The following NTRK3 variants were observed in gnomAD, a reference collection of about 807,000 sequenced individuals.
The protein encoded by NTRK3 is NT-3 growth factor receptor.
A neutral mutation model predicts 91.7 loss-of-function variants in NTRK3; 24 were observed. That is an observed-to-expected ratio of 0.26 (90% CI 0.19 to 0.37). NTRK3 has a LOEUF of 0.37. NTRK3 is among the 10% of genes least tolerant of loss of function. The pLI, the probability that NTRK3 is intolerant of heterozygous loss-of-function variation, is 1.00. For missense variants in NTRK3, 880 were observed against 1,068.9 expected, an observed-to-expected ratio of 0.82 and a Z score of 2.46; for synonymous variants, 483 against 404.0, an observed-to-expected ratio of 1.20 and a Z score of -2.34.
rs374956139 is a variant in NTRK3, at chr15:88,099,917, G to A, written c.1396+26354C>T. ...GAAAAGGCTTCAGGATTTGGGGAGG[G>A]GGACATGGAGTTGACAAGGATACTT... On this transcript the variant is annotated intron_variant, in intron 13 of 18. Coordinates refer to ENST00000394480, the Ensembl canonical transcript of NTRK3. Among the ~76,000 whole-genome samples the A allele has an allele frequency of 2.6e-5, 4 of 152,254 alleles. No individual in the cohort carries two copies. In the South Asian group the frequency reaches 8.3e-4, roughly 32 times the overall value.
intron 14 of NTRK3, chr15:87,979,191 C>A (rs868786075): frequency 2.8e-6 from 2 of 707,280 alleles, no homozygotes; most frequent in Middle Eastern, 3.0e-4. Flanking sequence ...AAACACCCAT[C>A]TGGTGGTGTT....
chr15:87,964,700 A>G (rs8037291), intron 14 of NTRK3, among the ~76,000 whole-genome samples: 34,906 of 152,004 alleles, frequency 0.23, 4,828 homozygotes, highest in African/African-American at 0.39. Flanking sequence ...GTCTCTCCGT[A>G]TTTGCCTCTT....
chr15:88,135,481 C>T, intron 9 of NTRK3, 84 bp from the exon 10 acceptor site: 2 of 1,440,130 alleles, frequency 1.4e-6, no homozygotes, highest in South Asian at 1.2e-5. Context: ...AAATGGGAAT[C>T]CCGGTTCTTC....
rs185551200 is a variant in NTRK3, at chr15:87,886,439, G to C, written c.2134-6011C>G. Among the ~76,000 whole-genome samples the C allele has an allele frequency of 2.7e-3, 410 of 151,146 alleles. 3 individuals carry two copies. Among genetic ancestry groups the C allele is most frequent in the African/African-American group, 9.6e-3 (392 of 40,868 alleles). ...CAGCAGTTAAAAAGAATATAGTAGA[G>C]CTATGTGTACTGATATGTAAATATA... On this transcript the variant is annotated intron_variant, in intron 17 of 18. Transcript: ENST00000394480.
chr15:88,226,132 T>A (rs1384715283), intron 3 of NTRK3, among the ~76,000 whole-genome samples: 1 of 152,198 alleles, frequency 6.6e-6, no homozygotes, highest in Non-Finnish European at 1.5e-5. Context: ...GGCCTCAGTT[T>A]CCTCATCTGT....
intron 13 of NTRK3, among the ~76,000 whole-genome samples, chr15:88,118,919 C>T (rs2052401996): frequency 6.6e-6 from 1 of 152,204 alleles, no homozygotes; most frequent in South Asian, 2.1e-4. Flanking sequence ...GCCATCACTT[C>T]GGCTATAGAG....
chr15:87,988,484 A>G (rs2075027591), intron 14 of NTRK3, among the ~76,000 whole-genome samples: 1 of 152,212 alleles, frequency 6.6e-6, no homozygotes, highest in Non-Finnish European at 1.5e-5. Flanking sequence ...TCATGGTGAT[A>G]TAGAATGATT....
At chr15:88,009,339 G>A (rs991919575) in intron 14 of NTRK3, among the ~76,000 whole-genome samples, 2 of 152,198 alleles carry the variant, frequency 1.3e-5, no homozygotes, top group East Asian at 1.9e-4. Flanking sequence ...AGCCAGGTGA[G>A]CAGTGTAGAT....
chr15:88,102,646 C>A (rs192510245), intron 13 of NTRK3, among the ~76,000 whole-genome samples: 1 of 152,066 alleles, frequency 6.6e-6, no homozygotes, highest in Non-Finnish European at 1.5e-5. Context: ...TATTATATAT[C>A]CATGATAATT....
intron 13 of NTRK3, among the ~76,000 whole-genome samples, chr15:88,076,598 G>C (rs1317655966): frequency 6.9e-6 from 1 of 144,022 alleles, no homozygotes; most frequent in Non-Finnish European, 1.5e-5. Flanking sequence ...GATACAAGAA[G>C]AAAATAGACA....
At chr15:88,192,707 C>G (rs962224661) in intron 3 of NTRK3, among the ~76,000 whole-genome samples, 2 of 152,142 alleles carry the variant, frequency 1.3e-5, no homozygotes, top group South Asian at 2.1e-4. Context: ...TTTGTGGGCT[C>G]CAGTCACACT....
At chr15:87,877,224 A>G (rs2064990033) in intron 18 of NTRK3, 104 bp from the exon 20 acceptor site, 2 of 1,208,208 alleles carry the variant, frequency 1.7e-6, no homozygotes, top group East Asian at 2.5e-5. Context: ...GTTTCTATGC[A>G]GAGCCGAGGC....
chr15:87,944,623 A>G (rs1187569285), intron 14 of NTRK3, among the ~76,000 whole-genome samples: 1 of 152,104 alleles, frequency 6.6e-6, no homozygotes, highest in Non-Finnish European at 1.5e-5. Context: ...TCCCAGCTTT[A>G]CGGCCACTAA....
intron 13 of NTRK3, among the ~76,000 whole-genome samples, chr15:88,048,261 A>G (rs2080438646): frequency 6.6e-6 from 1 of 152,154 alleles, no homozygotes; most frequent in Admixed American, 6.5e-5. Flanking sequence ...CCAATCTCTT[A>G]GAGAAATTAG....
intron 13 of NTRK3, among the ~76,000 whole-genome samples, chr15:88,124,676 G>A (rs147791437): frequency 1.4e-3 from 212 of 152,264 alleles, no homozygotes; most frequent in African/African-American, 4.7e-3. Flanking sequence ...AAAGCTGTGC[G>A]CTCACTCAGT....
chr15:87,994,585 C>T (rs118189088), intron 14 of NTRK3, among the ~76,000 whole-genome samples: 4,045 of 152,264 alleles, frequency 0.027, 71 homozygotes, highest in Non-Finnish European at 0.041. Flanking sequence ...TCTTGGATTT[C>T]GGGCCTCCAG....
chr15:87,917,359 C>A (rs574687565), intron 17 of NTRK3, among the ~76,000 whole-genome samples: 1 of 152,308 alleles, frequency 6.6e-6, no homozygotes, highest in African/African-American at 2.4e-5. Context: ...ATAGAGTGAG[C>A]AAACCATCTG....
At chr15:88,256,392 T>G in exon 2 of NTRK3, 1 of 609,106 alleles carries the variant, frequency 1.6e-6, no homozygotes. Flanking sequence ...GAGCGCCTAG[T>G]GGCGCGGTCT....
rs377546293 is a variant in NTRK3 at position 88,189,960 on chromosome 15, T to C, written c.249-5661A>G. ...GTTTACTCCTCTCCTATGCAGAAAA[T>C]TGTAGAACACAAAGACGCCCACCAC... On this transcript the variant is annotated intron_variant, in intron 3 of 18. Transcript: ENST00000394480. Among the ~76,000 whole-genome samples the C allele has an allele frequency of 9.1e-4, 138 of 152,202 alleles. 3 individuals carry two copies. The South Asian group carries it at 0.028, about 31-fold the overall frequency.
Sources: allele counts gnomAD v4.1 joint callset (sites outside exome capture counted in the v4.1 genomes callset), GRCh38; gene constraint gnomAD v4.1.1; transcripts MANE v1.5; gene names NCBI Gene and HGNC (gene_info 2026-07-23, HGNC 2026-07-21).